PCDHA7: variants seen among roughly 807,000 people sequenced by gnomAD.
PCDHA7 encodes the protein protocadherin alpha 7, also known as protocadherin alpha-7.
Under a neutral mutation model 57.2 loss-of-function variants are expected in PCDHA7, and 37 were observed. The observed-to-expected ratio is 0.65, with a 90% CI of 0.50 to 0.85. PCDHA7 has a LOEUF of 0.85. Ranked by LOEUF, PCDHA7 falls within the 40% of genes least tolerant of loss-of-function variation. The probability of loss-of-function intolerance (pLI) is 0.00; values close to 1 mark genes in which losing one functional copy is unlikely to be tolerated. For synonymous variants in PCDHA7, 553 were observed against 558.8 expected, an observed-to-expected ratio of 0.99 and a Z score of 0.15; for missense variants, 1,188 against 1,241.8, an observed-to-expected ratio of 0.96 and a Z score of 0.65.
chr5:140,871,762 G>A (rs2053295572), intron 1 of PCDHA7, among the ~76,000 whole-genome samples: 1 of 152,200 alleles, frequency 6.6e-6, no homozygotes, highest in South Asian at 2.1e-4. Flanking sequence ...AGATGCAAGA[G>A]TGACTCTTCT....
At chr5:140,931,189 C>A (rs2087353658) in intron 1 of PCDHA7, among the ~76,000 whole-genome samples, 1 of 152,112 alleles carries the variant, frequency 6.6e-6, no homozygotes, top group Non-Finnish European at 1.5e-5. Flanking sequence ...GAAATTGGTG[C>A]ACTACAATGC....
At chr5:140,858,455 AT>A in intron 1 of PCDHA7, 2 of 1,529,258 alleles carry the variant, frequency 1.3e-6, no homozygotes, top group Non-Finnish European at 1.8e-6. Context: ...TTACGTTTTC[AT>A]TTTCCTTTTG....
rs144072974 is a variant in PCDHA7 at position 140,938,897 on chromosome 5, G to GCA, written c.2356-40040_2356-40039dup. 1.4e-3 allele frequency among the ~76,000 whole-genome samples: 215 copies of GCA among 151,312 alleles called. 3 individuals carry two copies. The East Asian group carries it at 0.032, about 22-fold the overall frequency. Reference sequence around the variant, plus strand: ...AAGCAACACACACACACACAGATGCGCACACACACACACGCACAAGAAATT... The same window carrying GCA: ...AAGCAACACACACACACACAGATGCGCACACACACACACACGCACAAGAAATT... On this transcript the variant is annotated intron_variant, in intron 1 of 3. Coordinates refer to ENST00000525929, the MANE Select transcript of PCDHA7 (RefSeq NM_018910.3).
chr5:141,011,122 A>G lies in PCDHA7; in HGVS notation c.*1185A>G, dbSNP rs1554263297. On this transcript the variant is annotated 3_prime_UTR_variant, in exon 4 of 4. Transcript: ENST00000525929. ...TCTCTCTCTTTTCTAAGAAACAATT[A>G]TGTGCACTTTGATACACAACCTTCT... 1 of 153,686 alleles carries G rather than the reference A, an allele frequency of 6.5e-6. No homozygotes were observed. Among genetic ancestry groups the G allele is most frequent in the Non-Finnish European group, 1.5e-5 (1 of 68,034 alleles). 9.5% of individuals were successfully genotyped at this position (153,686 alleles called of 1,614,324 possible).
In PCDHA7 at chr5:140,958,013, G is replaced by A. The variant is rs553596138; in HGVS notation, c.2356-20936G>A. 2.6e-5 allele frequency among the ~76,000 whole-genome samples: 4 copies of A among 152,110 alleles called. No individual in the cohort carries two copies. In the South Asian group the frequency reaches 8.3e-4, roughly 32 times the overall value. On this transcript the variant is annotated intron_variant, in intron 1 of 3. Coordinates refer to ENST00000525929, the MANE Select transcript of PCDHA7 (RefSeq NM_018910.3). ...CAGATTTTTTGTTTCAATTCTATCA[G>A]CCAAGTATACTATGCTTTCTTTGCT...
intron 1 of PCDHA7, among the ~76,000 whole-genome samples, chr5:140,917,662 C>T (rs1554198266): frequency 6.6e-6 from 1 of 152,118 alleles, no homozygotes; most frequent in Admixed American, 6.6e-5. Flanking sequence ...AGTAGGAAGT[C>T]CTTTCTCCAT....
intron 3 of PCDHA7, among the ~76,000 whole-genome samples, chr5:140,999,986 G>A (rs2097887000): frequency 6.6e-6 from 1 of 151,990 alleles, no homozygotes; most frequent in African/African-American, 2.4e-5. Context: ...GCGGCCTCTG[G>A]GTAGTGGTAT....
chr5:140,925,951 A>G (rs1057448284), intron 1 of PCDHA7, among the ~76,000 whole-genome samples: 2 of 152,102 alleles, frequency 1.3e-5, no homozygotes, highest in Admixed American at 1.3e-4. Flanking sequence ...GAGAAGGAGA[A>G]ACTGCTATCA....
Position 140,835,306 on chromosome 5 carries a change from T to C in PCDHA7, c.923T>C (p.Met308Thr), listed in dbSNP as rs2150233599. 44 of 1,612,968 alleles carry C rather than the reference T, an allele frequency of 2.7e-5. No individual in the cohort carries two copies. The South Asian group carries it at 4.5e-4, about 17-fold the overall frequency. The part of the protein sequence containing the change: ...LSGAITVIGH[M>T]DFEESRAHKI... The stretch of plus-strand genomic sequence containing the variant: ...GGGGCAATCACAGTGATAGGACATA[T>C]GGATTTTGAAGAAAGTAGAGCACAC... The change falls in exon 1 of 4, where the codon ATG (methionine) becomes ACG (threonine). Residue 308 changes from methionine (M) to threonine (T), a missense_variant. By Grantham distance (81) the Met-to-Thr change is moderately conservative (BLOSUM62 -1). Transcript: ENST00000525929.
chr5:140,882,737 G>C lies in PCDHA7; in HGVS notation c.2355+45999G>C, dbSNP rs1375859660. The C allele has an allele frequency of 3.7e-6, 6 of 1,614,090 alleles. No homozygotes were observed. In the East Asian group the frequency reaches 1.1e-4, roughly 30 times the overall value. ...GGAAACTCGATTTCCACTAGATGGC[G>C]CATCCGATGCAGATATTGGAGTAAA... On this transcript the variant is annotated intron_variant, in intron 1 of 3. Transcript: ENST00000525929.
chr5:140,862,586 C>G (rs2047435706), intron 1 of PCDHA7: 3 of 498,034 alleles, frequency 6.0e-6, no homozygotes, highest in Non-Finnish European at 1.2e-5. Flanking sequence ...TTCCAGCAGC[C>G]CGAGTACATG....
chr5:140,856,236 TC>T (rs1554148438), intron 1 of PCDHA7: 2 of 1,597,912 alleles, frequency 1.3e-6, no homozygotes, highest in East Asian at 2.2e-5. Context: ...CAGCGCCTGT[TC>T]CGGGTGGCGT....
intron 3 of PCDHA7, among the ~76,000 whole-genome samples, chr5:140,990,327 A>G (rs2097387817): frequency 1.3e-5 from 2 of 152,174 alleles, no homozygotes; most frequent in African/African-American, 4.8e-5. Flanking sequence ...AACAAACTTT[A>G]AAAATAAGTA....
At chr5:140,979,908 TAA>T (rs782196172) in intron 2 of PCDHA7, among the ~76,000 whole-genome samples, 3 of 152,250 alleles carry the variant, frequency 2.0e-5, no homozygotes, top group Non-Finnish European at 4.4e-5. Context: ...GATCAGTTCG[TAA>T]AGAGAAAGCC....
intron 1 of PCDHA7, among the ~76,000 whole-genome samples, chr5:140,956,378 G>A (rs1317429422): frequency 5.9e-5 from 9 of 152,072 alleles, no homozygotes; most frequent in African/African-American, 1.7e-4. Context: ...GAATTTTATC[G>A]AAGGCCTTTT....
At chr5:140,875,743 G>A (rs782705899) in intron 1 of PCDHA7, 7 of 1,614,108 alleles carry the variant, frequency 4.3e-6, no homozygotes, top group Non-Finnish European at 5.1e-6. Context: ...TTCTCGGATC[G>A]ACCGCGAGAA....
At chr5:140,870,977 T>C in intron 1 of PCDHA7, 2 of 1,613,584 alleles carry the variant, frequency 1.2e-6, no homozygotes. Context: ...CGCGTGGGGC[T>C]GTACACGGGC....
At chr5:140,990,314 C>G (rs1295117014) in intron 3 of PCDHA7, among the ~76,000 whole-genome samples, 1 of 152,094 alleles carries the variant, frequency 6.6e-6, no homozygotes, top group East Asian at 1.9e-4. Flanking sequence ...AAAAAACCAA[C>G]CAAACAAACT....
intron 1 of PCDHA7, chr5:140,850,598 C>A (rs1358773904): frequency 6.3e-7 from 1 of 1,598,460 alleles, no homozygotes; most frequent in Non-Finnish European, 8.6e-7. Context: ...TGTACCTGAT[C>A]ATCGCCATCT....
Sources: allele counts gnomAD v4.1 joint callset (sites outside exome capture counted in the v4.1 genomes callset), GRCh38; gene constraint gnomAD v4.1.1; transcripts MANE v1.5; gene names NCBI Gene and HGNC (gene_info 2026-07-23, HGNC 2026-07-21).